Variants in ARPC3 observed in about 807,000 individuals in gnomAD.
ARPC3 encodes the protein actin-related protein 2/3 complex subunit 3.
In ARPC3, 12 loss-of-function variants were observed where a neutral mutation model predicts 27.6. The observed-to-expected ratio is 0.43, with a 90% CI of 0.28 to 0.70. ARPC3 has a LOEUF of 0.70. ARPC3 is among the 30% of genes least tolerant of loss of function. The probability of loss-of-function intolerance (pLI) is 0.17; values close to 1 mark genes in which losing one functional copy is unlikely to be tolerated. For missense variants in ARPC3, 153 were observed against 207.7 expected (o/e 0.74, Z 1.62); for synonymous variants, 53 against 67.2 (o/e 0.79, Z 1.03).
rs535842609 is a variant in ARPC3 at position 110,436,322 on chromosome 12, T to C, written c.380-118A>G. On this transcript the variant is annotated intron_variant, in intron 5 of 6. Transcript: ENST00000228825. ...TTATACATTTGAACAGGATACAAAA[T>C]AGAAATGACAGTCCAGATAGTTTTA... 451 of 1,094,512 alleles carry C rather than the reference T, an allele frequency of 4.1e-4. 1 individual carries two copies. The highest frequency in any genetic ancestry group is 5.3e-4 in the Non-Finnish European group (395 of 742,712). The allele number at this position is 1,094,512 out of a possible 1,614,324, so 67.8% of individuals were successfully genotyped here.
chr12:110,447,172 ATTC>A lies in ARPC3; in HGVS notation c.7-1624_7-1622del, dbSNP rs560533153. Among the ~76,000 whole-genome samples the A allele has an allele frequency of 9.2e-5, 14 of 152,310 alleles. No individual in the cohort carries two copies. In the East Asian group the frequency reaches 1.2e-3, roughly 13 times the overall value. Reference sequence around the variant, plus strand: ...GCGTTATGCTTTTGACCAAGACATCATTCTTCTTCTCTTAGCTTGTTTCCAAAT... The same window carrying A: ...GCGTTATGCTTTTGACCAAGACATCATTCTTCTCTTAGCTTGTTTCCAAAT... On this transcript the variant is annotated intron_variant, in intron 1 of 6. Coordinates refer to ENST00000228825, the MANE Select transcript of ARPC3 (RefSeq NM_001278556.2).
intron 6 of ARPC3, among the ~76,000 whole-genome samples, chr12:110,435,813 T>C (rs536253056): frequency 6.6e-6 from 1 of 151,044 alleles, no homozygotes; most frequent in Non-Finnish European, 1.5e-5. Context: ...TCAGTAGAGA[T>C]GGGGGTTTCA....
chr12:110,439,661 C>T (rs112139119), intron 3 of ARPC3, among the ~76,000 whole-genome samples: 1 of 152,074 alleles, frequency 6.6e-6, no homozygotes, highest in African/African-American at 2.4e-5. Flanking sequence ...TGTGAAACCC[C>T]GTCTCTACTA....
intron 4 of ARPC3, 100 bp downstream of exon 4, chr12:110,436,984 C>T (rs2062409820): frequency 1.1e-6 from 1 of 896,312 alleles, no homozygotes; most frequent in African/African-American, 1.6e-5. Context: ...GAAATATTTT[C>T]TACTTGTCTT....
intron 2 of ARPC3, chr12:110,440,608 G>A (rs1294866177): frequency 3.4e-5 from 15 of 442,462 alleles, no homozygotes; most frequent in Admixed American, 6.8e-5. Context: ...GTGCAGTGGC[G>A]TGATCTTGGC....
At chr12:110,437,755 G>A (rs2062414255) in intron 3 of ARPC3, among the ~76,000 whole-genome samples, 1 of 152,146 alleles carries the variant, frequency 6.6e-6, no homozygotes, top group African/African-American at 2.4e-5. Flanking sequence ...TGTATAGGAA[G>A]AAGTAACAAA....
intron 1 of ARPC3, among the ~76,000 whole-genome samples, chr12:110,449,387 C>T (rs1299765050): frequency 6.6e-6 from 1 of 151,760 alleles, no homozygotes; most frequent in Non-Finnish European, 1.5e-5. Context: ...CATGGTGAAA[C>T]CCCGTCTCTA....
intron 3 of ARPC3, among the ~76,000 whole-genome samples, chr12:110,438,198 A>G (rs1480621796): frequency 2.0e-5 from 3 of 151,820 alleles, no homozygotes; most frequent in Non-Finnish European, 4.4e-5. Context: ...AGGGAGGCTA[A>G]GGCCACAGAA....
chr12:110,447,872 A>G (rs1380858263), intron 1 of ARPC3, among the ~76,000 whole-genome samples: 2 of 147,186 alleles, frequency 1.4e-5, no homozygotes, highest in Non-Finnish European at 3.0e-5. Context: ...GAACCAGTAC[A>G]GGGATTTAGA....
At chr12:110,450,209 C>A (rs1283755669) in intron 1 of ARPC3, 46 bp downstream of exon 1, 2 of 1,613,258 alleles carry the variant, frequency 1.2e-6, no homozygotes, top group Non-Finnish European at 1.7e-6. Flanking sequence ...TCTCTCTGCT[C>A]TTCGCAATCC....
chr12:110,438,486 C>T (rs968930518), intron 3 of ARPC3, among the ~76,000 whole-genome samples: 3 of 150,560 alleles, frequency 2.0e-5, no homozygotes, highest in Non-Finnish European at 4.4e-5. Context: ...GTAATCCCAG[C>T]TACTTGGGAG....
Position 110,436,687 on chromosome 12 carries a change from G to GGAA in ARPC3, c.253-5_253-4insTTC. 5 of 803,870 alleles carry GGAA rather than the reference G, an allele frequency of 6.2e-6. No individual in the cohort carries two copies. Among genetic ancestry groups the GGAA allele is most frequent in the Non-Finnish European group, 9.0e-6 (5 of 552,754 alleles). The allele number at this position is 803,870 out of a possible 1,614,324, so 49.8% of individuals were successfully genotyped here. A position where few individuals can be genotyped will look rare whatever the true frequency, so the allele number is the denominator to read the frequency against. Reference sequence around the variant, plus strand: ...CACCTTGGCTTTTGGAATTGCACTGGAAAAAAAAATATATATATATATATA... The same window carrying GGAA: ...CACCTTGGCTTTTGGAATTGCACTGGGAAAAAAAAAAATATATATATATATATA... On this transcript the variant is annotated splice_region_variant and splice_polypyrimidine_tract_variant and intron_variant, in intron 4 of 6. Coordinates refer to ENST00000228825, the MANE Select transcript of ARPC3 (RefSeq NM_001278556.2).
chr12:110,445,119 C>T, intron 2 of ARPC3: 1 of 273,372 alleles, frequency 3.7e-6, no homozygotes, highest in Non-Finnish European at 7.1e-6. Context: ...TGTTCTTTTC[C>T]AGGTTGATGA....
intron 1 of ARPC3, among the ~76,000 whole-genome samples, chr12:110,445,965 G>A (rs1400503924): frequency 2.0e-5 from 3 of 151,920 alleles, no homozygotes; most frequent in Admixed American, 6.6e-5. Flanking sequence ...TTAGCCAGGC[G>A]TGGCGGCGTG....
At chr12:110,445,395 T>G in intron 2 of ARPC3, 57 bp downstream of exon 2, 1 of 1,313,588 alleles carries the variant, frequency 7.6e-7, no homozygotes, top group Non-Finnish European at 1.1e-6. Context: ...TTTGATCATT[T>G]CAGAAGATTG....
rs111393477 is a variant in ARPC3, at chr12:110,444,223, G to A, written c.106+1229C>T. On this transcript the variant is annotated intron_variant, in intron 2 of 6. Transcript: ENST00000228825. ...TGAACTCAGGTGATCCACCCACCTC[G>A]ACCTCTCAAAGTGCTGGGATTATAG... Among the ~76,000 whole-genome samples the A allele has an allele frequency of 2.7e-3, 409 of 151,934 alleles. 2 individuals carry two copies. The highest frequency in any genetic ancestry group is 8.8e-3 in the African/African-American group (364 of 41,416).
At chr12:110,445,650 C>A (rs895945702) in intron 1 of ARPC3, 99 bp from the exon 2 acceptor site, 2 of 896,552 alleles carry the variant, frequency 2.2e-6, no homozygotes, top group African/African-American at 3.3e-5. Flanking sequence ...GTAAACCACC[C>A]AAGATTAATT....
rs2062395730 is a variant in ARPC3 at position 110,435,183 on chromosome 12, T to C, written c.509A>G (p.Asn170Ser). 6.2e-7 allele frequency: 1 copy of C among 1,614,110 alleles called. No individual in the cohort carries two copies. Among genetic ancestry groups the C allele is most frequent in the Non-Finnish European group, 8.5e-7 (1 of 1,179,994 alleles). Reference sequence around the variant, plus strand: ...CTGTCCAGGTCCTGAAAGACTCTTGTTCATGAACTGTCTCTTCACAAAGCA... The same window carrying C: ...CTGTCCAGGTCCTGAAAGACTCTTGCTCATGAACTGTCTCTTCACAAAGCA... ...WTCFVKRQFMNKSLSGPGQ is the reference protein window; with the variant it reads ...WTCFVKRQFMSKSLSGPGQ Residue 170 changes from asparagine (N) to serine (S), a missense_variant, in exon 7 of 7, where the codon AAC becomes AGC. Physicochemically the swap from Asn to Ser is conservative, Grantham distance 46. Transcript: ENST00000228825.
At chr12:110,446,904 G>A (rs2062467651) in intron 1 of ARPC3, among the ~76,000 whole-genome samples, 1 of 152,120 alleles carries the variant, frequency 6.6e-6, no homozygotes, top group Admixed American at 6.6e-5. Context: ...ACTGCACCCG[G>A]CAATAACCTA....
Sources: gnomAD v4.1 joint callset for allele counts (sites outside exome capture counted in the v4.1 genomes callset) on GRCh38, gnomAD v4.1.1 for gene constraint, MANE v1.5 for transcripts, NCBI Gene and HGNC (gene_info 2026-07-23, HGNC 2026-07-21) for gene names.